The following ADAM2 variants were observed in gnomAD, a reference collection of about 807,000 sequenced individuals.
The protein encoded by ADAM2 is disintegrin and metalloproteinase domain-containing protein 2.
In ADAM2, 101 loss-of-function variants were observed where a neutral mutation model predicts 99.3. The ratio of observed to expected loss-of-function variants is 1.02; its 90% confidence interval spans 0.87 to 1.20. ADAM2 has a LOEUF of 1.20. Ranked by LOEUF, ADAM2 falls within the 50% of genes most tolerant of loss-of-function variation. The pLI is 0.00. For missense variants in ADAM2, 948 were observed against 878.7 expected (o/e 1.08, Z -1.00); for synonymous variants, 323 against 287.6 (o/e 1.12, Z -1.25).
At chr8:39,779,269 G>A (rs1231031576) in intron 10 of ADAM2, among the ~76,000 whole-genome samples, 2 of 152,006 alleles carry the variant, frequency 1.3e-5, no homozygotes, top group South Asian at 4.2e-4. Context: ...AGACCTTTTT[G>A]GCTTGTGATA....
chr8:39,777,292 G>A, intron 10 of ADAM2, 131 bp from the exon 11 acceptor site: 2 of 595,520 alleles, frequency 3.4e-6, no homozygotes, highest in Non-Finnish European at 5.7e-6. Flanking sequence ...CATCCTTGTT[G>A]GTCTAACTCA....
chr8:39,749,738 T>C lies in ADAM2; in HGVS notation c.1804A>G (p.Arg602Gly). 2 of 1,611,062 alleles carry C rather than the reference T, an allele frequency of 1.2e-6. No individual in the cohort carries two copies. Among genetic ancestry groups the C allele is most frequent in the Non-Finnish European group, 1.7e-6 (2 of 1,178,356 alleles). ...GAAGAACTCACACATCTTTGATTCC[T>C]GCAAACCTAAAAAGGATGAGCAAAA... ...GTSCGSNKVC[R>G]NQRCVSSSYL... The change falls in exon 17 of 21, where the codon AGG (arginine) becomes GGG (glycine). Residue 602 changes from arginine (R) to glycine (G), a missense_variant. By Grantham distance (125) the Arg-to-Gly change is moderately radical (BLOSUM62 -2). Coordinates refer to ENST00000265708, the MANE Select transcript of ADAM2 (RefSeq NM_001464.5).
At chr8:39,814,409 T>C (rs1016984934) in intron 6 of ADAM2, among the ~76,000 whole-genome samples, 1 of 150,884 alleles carries the variant, frequency 6.6e-6, no homozygotes, top group Non-Finnish European at 1.5e-5. Context: ...TAAGACAAAG[T>C]AGCCCTAAAA....
At chr8:39,779,748 CA>C (rs1803142552) in intron 10 of ADAM2, among the ~76,000 whole-genome samples, 1 of 152,230 alleles carries the variant, frequency 6.6e-6, no homozygotes. Flanking sequence ...TGCCAATCAT[CA>C]GACTGAGAAA....
chr8:39,832,780 A>AT (rs1013527818), intron 3 of ADAM2, among the ~76,000 whole-genome samples: 41 of 151,842 alleles, frequency 2.7e-4, no homozygotes, highest in African/African-American at 2.4e-5. Context: ...TTAGTATGTG[A>AT]TTTTTTTTCT....
Position 39,766,899 on chromosome 8 carries a change from C to T in ADAM2, c.1456G>A (p.Asp486Asn), listed in dbSNP as rs1230829956. The T allele has an allele frequency of 2.5e-6, 4 of 1,613,852 alleles. No individual in the cohort carries two copies. The highest frequency in any genetic ancestry group is 3.3e-5 in the Admixed American group (2 of 60,004). ...TTATCCCCACTCATACAAACTCCAT[C>T]TATACAGATCCATTGATTCAGTCCA... ...PCGLNQWICI[D>N]GVCMSGDKQC... The change falls in exon 14 of 21, where the codon GAT (aspartate) becomes AAT (asparagine). Residue 486 changes from aspartate to asparagine, a missense_variant. Transcript: ENST00000265708.
At chr8:39,785,178 T>C (rs1470528872) in intron 10 of ADAM2, among the ~76,000 whole-genome samples, 1 of 152,248 alleles carries the variant, frequency 6.6e-6, no homozygotes, top group East Asian at 1.9e-4. Context: ...CCCCTTATAG[T>C]CTGAGGAGTT....
rs1804606142 is a variant in ADAM2 at position 39,809,554 on chromosome 8, T to C, written c.514-88A>G. Reference sequence around the variant, plus strand: ...TCACTACTATTAATGAACTAAATATTGAAAAACACAATTTTGCATATAGAA... The same window carrying C: ...TCACTACTATTAATGAACTAAATATCGAAAAACACAATTTTGCATATAGAA... On this transcript the variant is annotated intron_variant, in intron 6 of 20. Coordinates refer to ENST00000265708, the MANE Select transcript of ADAM2 (RefSeq NM_001464.5). 4.9e-6 allele frequency: 3 copies of C among 610,894 alleles called. No homozygotes were observed. In the South Asian group the frequency reaches 6.4e-5, roughly 13 times the overall value. The allele number at this position is 610,894 out of a possible 1,614,324, so 37.8% of individuals were successfully genotyped here. A position where few individuals can be genotyped will look rare whatever the true frequency, so the allele number is the denominator to read the frequency against.
intron 7 of ADAM2, among the ~76,000 whole-genome samples, chr8:39,790,187 C>T (rs1315442950): frequency 1.3e-5 from 2 of 151,824 alleles, no homozygotes; most frequent in Non-Finnish European, 2.9e-5. Context: ...TTCTTCACAC[C>T]TACCCAATAC....
At chr8:39,827,496 G>A (rs550711726) in intron 3 of ADAM2, among the ~76,000 whole-genome samples, 1 of 152,180 alleles carries the variant, frequency 6.6e-6, no homozygotes, top group South Asian at 2.1e-4. Context: ...TCCATCAATG[G>A]ACAAATGGAT....
intron 10 of ADAM2, among the ~76,000 whole-genome samples, chr8:39,782,106 T>C (rs1224359613): frequency 6.6e-6 from 1 of 152,172 alleles, no homozygotes; most frequent in East Asian, 1.9e-4. Context: ...TCAATCAAGC[T>C]TGTGTTAGAG....
chr8:39,820,857 G>A (rs770426636), intron 6 of ADAM2, 145 bp downstream of exon 6: 3 of 482,438 alleles, frequency 6.2e-6, no homozygotes, highest in South Asian at 4.8e-5. Flanking sequence ...TATAAGTTAT[G>A]AAGTTTCTGG....
At chr8:39,837,826 T>C (rs1270696353) in intron 1 of ADAM2, among the ~76,000 whole-genome samples, 1 of 152,006 alleles carries the variant, frequency 6.6e-6, no homozygotes, top group African/African-American at 2.4e-5. Flanking sequence ...AGTACAGAAG[T>C]TGGGTCTCAA....
intron 12 of ADAM2, 50 bp from the exon 13 acceptor site, chr8:39,767,301 T>C: frequency 6.9e-7 from 1 of 1,453,616 alleles, no homozygotes; most frequent in Non-Finnish European, 9.5e-7. Flanking sequence ...TGTATTCATA[T>C]TGGACAGGCA....
chr8:39,829,476 G>C (rs1388325550), intron 3 of ADAM2, among the ~76,000 whole-genome samples: 1 of 151,914 alleles, frequency 6.6e-6, no homozygotes, highest in Non-Finnish European at 1.5e-5. Context: ...CTTACAGTTA[G>C]AGAAATACAT....
intron 7 of ADAM2, among the ~76,000 whole-genome samples, chr8:39,807,951 A>G (rs1804507341): frequency 6.6e-6 from 1 of 152,180 alleles, no homozygotes; most frequent in African/African-American, 2.4e-5. Flanking sequence ...TAACAATGAC[A>G]ACAACACAGC....
intron 7 of ADAM2, among the ~76,000 whole-genome samples, chr8:39,805,009 T>C (rs139274758): frequency 0.011 from 1,695 of 152,282 alleles, 29 homozygotes; most frequent in African/African-American, 0.039. Context: ...TTTCTCACAA[T>C]TCTGGAGGTT....
At chr8:39,778,847 A>C (rs1387955134) in intron 10 of ADAM2, among the ~76,000 whole-genome samples, 3 of 152,092 alleles carry the variant, frequency 2.0e-5, no homozygotes, top group African/African-American at 7.2e-5. Context: ...TGTTATTTTA[A>C]ACCCCCTATT....
intron 2 of ADAM2, among the ~76,000 whole-genome samples, chr8:39,834,720 G>T (rs1805750253): frequency 9.5e-6 from 1 of 105,184 alleles, no homozygotes; most frequent in South Asian, 2.8e-4. Context: ...GGGCGACAGG[G>T]CAAGACTCCA....
Sources: gnomAD v4.1 joint callset for allele counts (sites outside exome capture counted in the v4.1 genomes callset) on GRCh38, gnomAD v4.1.1 for gene constraint, MANE v1.5 for transcripts, NCBI Gene and HGNC (gene_info 2026-07-23, HGNC 2026-07-21) for gene names.